Variants in STRN4 observed in about 807,000 individuals in gnomAD.
The protein encoded by STRN4 is striatin 4.
Under a neutral mutation model 77.9 loss-of-function variants are expected in STRN4, and 27 were observed. That is an observed-to-expected ratio of 0.35 (90% CI 0.26 to 0.48). The LOEUF (loss-of-function observed/expected upper bound fraction) is 0.48, where lower values mean the gene tolerates loss of function less well. Ranked by LOEUF, STRN4 falls within the 20% of genes least tolerant of loss-of-function variation. STRN4 has a pLI of 0.99. For synonymous variants in STRN4, 466 were observed against 443.1 expected, an observed-to-expected ratio of 1.05 and a Z score of -0.65; for missense variants, 798 against 1,049.7, an observed-to-expected ratio of 0.76 and a Z score of 3.31.
rs545655541 is a variant in STRN4, at chr19:46,736,907, G to A, written c.461-6C>T. On this transcript the variant is annotated splice_region_variant and splice_polypyrimidine_tract_variant and intron_variant, in intron 3 of 17. Coordinates refer to ENST00000263280, the MANE Select transcript of STRN4 (RefSeq NM_013403.3). The stretch of plus-strand genomic sequence containing the variant: ...TTCCACGGGGCCATTGGAGACTGGC[G>A]GGTGAGAGAACGGAGGCTGTCTTAA... The A allele has an allele frequency of 1.5e-5, 24 of 1,610,952 alleles. No individual in the cohort carries two copies. The highest frequency in any genetic ancestry group is 9.9e-5 in the South Asian group (9 of 90,636).
At chr19:46,722,392 A>C (rs1484612590) in intron 14 of STRN4, 52 bp from the exon 15 acceptor site, 2 of 1,566,320 alleles carry the variant, frequency 1.3e-6, no homozygotes, top group Admixed American at 1.7e-5. Flanking sequence ...AATCAGGAAG[A>C]CCAGAACAGA....
At chr19:46,735,547 T>C (rs931418073) in intron 4 of STRN4, among the ~76,000 whole-genome samples, 7 of 152,220 alleles carry the variant, frequency 4.6e-5, no homozygotes, top group Admixed American at 1.3e-4. Context: ...TGAGACCATA[T>C]ATGGCAAAAT....
chr19:46,746,028 CCCGCCCCCCCG>C, intron 1 of STRN4, 110 bp downstream of exon 1: 2 of 1,219,522 alleles, frequency 1.6e-6, no homozygotes, highest in Non-Finnish European at 2.1e-6. Context: ...GCGGTCCCCT[CCCGCCCCCCCG>C]CCGGCCGTCC....
chr19:46,738,181 G>A lies in STRN4; in HGVS notation c.443C>T (p.Ala148Val). The change falls in exon 3 of 18, where the codon GCA becomes GTA. Residue 148 changes from alanine (A) to valine (V), a missense_variant. Ala to Val is a moderately conservative substitution (Grantham distance 64). This residue lies in a region of STRN4 where 511 missense variants were observed against 575.9 expected (regional missense o/e 0.89). Transcript: ENST00000263280. The surrounding 1 kb of genome is among the most constrained non-coding windows in gnomAD (Gnocchi z 4.5). ...GTDLNQGEKKADVSEQVSNGP... is the reference protein window; with the variant it reads ...GTDLNQGEKKVDVSEQVSNGP... ...GTGGGTACCTTGTTCTGACACATCT[G>A]CTTTCTTCTCCCCCTGGTTCAGGTC... 6.2e-7 allele frequency: 1 copy of A among 1,614,200 alleles called. No individual in the cohort carries two copies. The highest frequency in any genetic ancestry group is 1.1e-5 in the South Asian group (1 of 91,086).
intron 4 of STRN4, among the ~76,000 whole-genome samples, chr19:46,734,483 T>C (rs141471975): frequency 6.5e-4 from 99 of 152,246 alleles, no homozygotes; most frequent in African/African-American, 2.3e-3. Flanking sequence ...ACACTGTCTA[T>C]AATACAAAAA....
chr19:46,724,703 GAGGC>G, intron 12 of STRN4, 100 bp downstream of exon 12: 1 of 1,539,162 alleles, frequency 6.5e-7, no homozygotes, highest in Non-Finnish European at 8.9e-7. Flanking sequence ...ACGCACTCCT[GAGGC>G]CTGCAGTGTT....
intron 9 of STRN4, among the ~76,000 whole-genome samples, chr19:46,727,071 C>T (rs442884): frequency 6.6e-6 from 1 of 151,756 alleles, no homozygotes. Context: ...AGGCTCCCAG[C>T]TGGCCAAAGG....
chr19:46,720,877 G>A, intron 16 of STRN4, 106 bp from the exon 17 acceptor site: 2 of 1,308,400 alleles, frequency 1.5e-6, no homozygotes, highest in East Asian at 5.6e-5. Context: ...GGGAAGTGGG[G>A]CTCAACTCTC....
chr19:46,735,841 G>A (rs2054349147), intron 4 of STRN4, among the ~76,000 whole-genome samples: 1 of 151,812 alleles, frequency 6.6e-6, no homozygotes, highest in South Asian at 2.1e-4. Flanking sequence ...GTGCACGCCT[G>A]TAATCCCAGC....
At chr19:46,745,819 G>T in intron 1 of STRN4, 1 of 219,722 alleles carries the variant, frequency 4.6e-6, no homozygotes, top group Non-Finnish European at 9.0e-6. Flanking sequence ...GGAGCCCCGC[G>T]GCCAGCGTGC....
chr19:46,726,771 C>T (rs776073697), intron 9 of STRN4, among the ~76,000 whole-genome samples: 2 of 152,194 alleles, frequency 1.3e-5, no homozygotes, highest in Non-Finnish European at 2.9e-5. Flanking sequence ...CCTTAGCTGT[C>T]CCTTCTGCCA....
At chr19:46,740,883 G>C (rs2054461948) in intron 1 of STRN4, among the ~76,000 whole-genome samples, 1 of 152,154 alleles carries the variant, frequency 6.6e-6, no homozygotes, top group Non-Finnish European at 1.5e-5. Flanking sequence ...ATTCAGCTAA[G>C]GCCTGAAGCT....
rs1281686097 is a variant in STRN4, at chr19:46,723,397, G to A, written c.1595-113C>T. ...AGGCAGCTGGGCTCCAATCACCCAC[G>A]CACCCACTTCACACCTGGTGCCCCT... On this transcript the variant is annotated intron_variant, in intron 12 of 17. Transcript: ENST00000263280. This position sits in a 1 kb window ranked among gnomAD's most constrained non-coding sequence, Gnocchi z 5.5. 11 of 1,334,994 alleles carry A rather than the reference G, an allele frequency of 8.2e-6. No individual in the cohort carries two copies. Among genetic ancestry groups the A allele is most frequent in the East Asian group, 7.6e-5 (3 of 39,418 alleles). 82.7% of individuals were successfully genotyped at this position (1,334,994 alleles called of 1,614,324 possible). A position where few individuals can be genotyped will look rare whatever the true frequency, so the allele number is the denominator to read the frequency against.
At chr19:46,732,405 C>T (rs985014927) in intron 5 of STRN4, 2 of 153,054 alleles carry the variant, frequency 1.3e-5, no homozygotes, top group African/African-American at 4.8e-5. Context: ...CCCCGCAGCC[C>T]ACGCCTCACT....
intron 17 of STRN4, 47 bp from the exon 18 acceptor site, chr19:46,720,385 C>T (rs1221836279): frequency 4.3e-6 from 2 of 468,590 alleles, no homozygotes; most frequent in Admixed American, 4.4e-5. Context: ...GCCTCTAGGG[C>T]GCCTCTAAGG....
chr19:46,731,484 A>G (rs1288231168), intron 5 of STRN4: 1 of 153,178 alleles, frequency 6.5e-6, no homozygotes, highest in Non-Finnish European at 1.5e-5. Context: ...TGACTGCGGG[A>G]GAAGGCAGGG....
At position 46,741,188 on chromosome 19, in the gene STRN4, G is replaced by A. The variant is rs762160279; in HGVS notation, c.283-2300C>T. Among the ~76,000 whole-genome samples, 1 of 152,166 alleles carries A rather than the reference G, an allele frequency of 6.6e-6. No homozygotes were observed. Among genetic ancestry groups the A allele is most frequent in the Non-Finnish European group, 1.5e-5 (1 of 68,026 alleles). ...CACAGAGACCCCCATCACAGATGAG[G>A]GCAGTCCCAGAAATCCCAGGACAGA... On this transcript the variant is annotated intron_variant, in intron 1 of 17. Transcript: ENST00000263280. This position sits in a 1 kb window ranked among gnomAD's most constrained non-coding sequence, Gnocchi z 4.9.
intron 9 of STRN4, among the ~76,000 whole-genome samples, chr19:46,726,988 C>T (rs1258952308): frequency 6.6e-6 from 1 of 152,142 alleles, no homozygotes; most frequent in Non-Finnish European, 1.5e-5. Context: ...CTAGGGTCAC[C>T]AACACTGGAA....
At chr19:46,728,141 G>C (rs923289799) in intron 7 of STRN4, 134 bp from the exon 8 acceptor site, 10 of 848,226 alleles carry the variant, frequency 1.2e-5, no homozygotes, top group Non-Finnish European at 1.9e-5. Context: ...GGGAGGGGGG[G>C]AATGGGCAGA....
Sources: allele counts gnomAD v4.1 joint callset (sites outside exome capture counted in the v4.1 genomes callset), GRCh38; gene constraint gnomAD v4.1.1; regional missense constraint gnomAD v4.1.1; non-coding constraint Gnocchi (gnomAD v3.1); transcripts MANE v1.5; gene names NCBI Gene and HGNC (gene_info 2026-07-23, HGNC 2026-07-21).